Variants in AMPH observed in about 807,000 individuals in gnomAD.
AMPH encodes amphiphysin (Stiff-Mann syndrome with breast cancer 128kD autoantigen).
In AMPH, 49 loss-of-function variants were observed where a neutral mutation model predicts 99.1. The ratio of observed to expected loss-of-function variants is 0.49; its 90% CI spans 0.39 to 0.63. The LOEUF is 0.63. Ranked by LOEUF, AMPH falls within the 20% of genes least tolerant of loss-of-function variation. AMPH has a pLI of 0.00. For synonymous variants in AMPH, 314 were observed against 317.3 expected, an observed-to-expected ratio of 0.99 and a Z score of 0.11; for missense variants, 759 against 863.4, an observed-to-expected ratio of 0.88 and a Z score of 1.52.
At chr7:38,392,419 C>T (rs1280982485) in intron 18 of AMPH, among the ~76,000 whole-genome samples, 6 of 110,708 alleles carry the variant, frequency 5.4e-5, no homozygotes, top group Non-Finnish European at 8.4e-5. Context: ...CAGAGTCTTG[C>T]TCTGTCGCCC....
At chr7:38,615,201 G>A (rs1235371478) in intron 1 of AMPH, among the ~76,000 whole-genome samples, 1 of 152,086 alleles carries the variant, frequency 6.6e-6, no homozygotes, top group Non-Finnish European at 1.5e-5. Context: ...TCATCTCTGT[G>A]CTTCAGTCTG....
In AMPH at chr7:38,408,138, T is replaced by C. The variant is rs1785104790; in HGVS notation, c.1398+9687A>G. ...AGTTTGTCTAACTCTAAATTCTGTGTTTTCTCACACCATCCCATAACCAAG... is the reference window on the plus strand; with the variant it reads ...AGTTTGTCTAACTCTAAATTCTGTGCTTTCTCACACCATCCCATAACCAAG... On this transcript the variant is annotated intron_variant, in intron 17 of 20. Coordinates refer to ENST00000356264, the MANE Select transcript of AMPH (RefSeq NM_001635.4). 2.0e-5 allele frequency among the ~76,000 whole-genome samples: 3 copies of C among 152,156 alleles called. No individual in the cohort carries two copies. The South Asian group carries it at 6.2e-4, about 32-fold the overall frequency.
At chr7:38,445,825 A>G (rs4557602) in intron 11 of AMPH, among the ~76,000 whole-genome samples, 150,097 of 152,300 alleles carry the variant, frequency 0.99, 73,969 homozygotes, top group East Asian at 1. Context: ...CTGGTGGGAG[A>G]TGACTGGATC....
At chr7:38,411,563 C>T (rs1056008298) in intron 17 of AMPH, among the ~76,000 whole-genome samples, 9 of 152,162 alleles carry the variant, frequency 5.9e-5, no homozygotes, top group Admixed American at 2.6e-4. Flanking sequence ...TGAATGAGAA[C>T]TCAGCACACA....
intron 11 of AMPH, among the ~76,000 whole-genome samples, chr7:38,454,861 G>T (rs1351298611): frequency 1.3e-5 from 2 of 152,144 alleles, no homozygotes; most frequent in African/African-American, 4.8e-5. Context: ...CCAACTGAGA[G>T]AATACTATGG....
At chr7:38,445,010 T>TATATATATATATATATATATATACACAC (rs1458295332) in intron 11 of AMPH, among the ~76,000 whole-genome samples, 5 of 125,984 alleles carry the variant, frequency 4.0e-5, no homozygotes, top group East Asian at 5.5e-4. Flanking sequence ...TATATATATA[T>TATATATATATATATATATATATACACAC]ACACACACAC....
chr7:38,548,327 C>T (rs1211505381), intron 1 of AMPH, among the ~76,000 whole-genome samples: 1 of 151,604 alleles, frequency 6.6e-6, no homozygotes, highest in African/African-American at 2.4e-5. Context: ...CTGCACCCGG[C>T]CCCTTGTGGG....
chr7:38,571,278 T>TATATATA lies in AMPH; in HGVS notation c.70-36268_70-36267insTATATAT, dbSNP rs1562835213. Among the ~76,000 whole-genome samples the TATATATA allele has an allele frequency of 1.0e-4, 4 of 39,430 alleles. 1 individual carries two copies. The highest frequency in any genetic ancestry group is 5.6e-4 in the African/African-American group (4 of 7,194). The allele number at this position is 39,430 out of a possible 152,430, so 25.9% of individuals were successfully genotyped here. On this transcript the variant is annotated intron_variant, in intron 1 of 20. Coordinates refer to ENST00000356264, the MANE Select transcript of AMPH (RefSeq NM_001635.4). ...TATTAAATATATATTTATATATATA[T>TATATATA]TTTTATATATATTTATATATGAATA...
At chr7:38,629,876 A>G (rs1330155820) in intron 1 of AMPH, among the ~76,000 whole-genome samples, 1 of 152,192 alleles carries the variant, frequency 6.6e-6, no homozygotes, top group African/African-American at 2.4e-5. Context: ...AGGCAGGAGG[A>G]GGATCACTTT....
chr7:38,575,051 T>TAAAAA (rs3056279), intron 1 of AMPH, among the ~76,000 whole-genome samples: 9 of 105,290 alleles, frequency 8.5e-5, no homozygotes, highest in African/African-American at 3.1e-4. Context: ...AGACTCTGTC[T>TAAAAA]AAAAAAAAAA....
intron 2 of AMPH, among the ~76,000 whole-genome samples, chr7:38,527,628 G>C (rs946376109): frequency 6.6e-6 from 1 of 152,164 alleles, no homozygotes; most frequent in Non-Finnish European, 1.5e-5. Context: ...TTATCTGTTA[G>C]AGTAGTATTT....
rs1784282776 is a variant in AMPH, at chr7:38,383,895, G to A, written c.*923C>T. 1 of 152,616 alleles carries A rather than the reference G, an allele frequency of 6.6e-6. No individual in the cohort carries two copies. The highest frequency in any genetic ancestry group is 1.5e-5 in the Non-Finnish European group (1 of 68,048). The allele number at this position is 152,616 out of a possible 1,614,324, so 9.5% of individuals were successfully genotyped here. Reference sequence around the variant, plus strand: ...CTGTTTTTATAGTGTTCTTTTGGGGGTAGATGAATATGCCCCATCTTTCTA... The same window carrying A: ...CTGTTTTTATAGTGTTCTTTTGGGGATAGATGAATATGCCCCATCTTTCTA... On this transcript the variant is annotated 3_prime_UTR_variant, in exon 21 of 21. Coordinates refer to ENST00000356264, the MANE Select transcript of AMPH (RefSeq NM_001635.4).
At chr7:38,628,056 A>C (rs1035758570) in intron 1 of AMPH, among the ~76,000 whole-genome samples, 5 of 152,214 alleles carry the variant, frequency 3.3e-5, no homozygotes, top group African/African-American at 1.2e-4. Context: ...GTAAATAGAA[A>C]AGGAAGAAAG....
chr7:38,423,005 A>G (rs776475137), intron 15 of AMPH, among the ~76,000 whole-genome samples: 2 of 152,194 alleles, frequency 1.3e-5, no homozygotes, highest in Non-Finnish European at 2.9e-5. Flanking sequence ...TTTTAATAAT[A>G]GTTATTCTAA....
At chr7:38,401,410 T>C (rs905252806) in intron 17 of AMPH, among the ~76,000 whole-genome samples, 8 of 152,236 alleles carry the variant, frequency 5.3e-5, no homozygotes, top group African/African-American at 1.4e-4. Context: ...CTTTATCACG[T>C]CTTCCCACCT....
intron 11 of AMPH, among the ~76,000 whole-genome samples, chr7:38,443,850 T>C (rs1786650918): frequency 6.6e-6 from 1 of 151,114 alleles, no homozygotes; most frequent in African/African-American, 2.4e-5. Context: ...TGAAATAAGG[T>C]AGGAAAAATA....
chr7:38,427,222 G>C (rs1046027053), intron 14 of AMPH, among the ~76,000 whole-genome samples: 14 of 151,352 alleles, frequency 9.2e-5, no homozygotes, highest in Admixed American at 6.6e-5. Flanking sequence ...CTGCATTATT[G>C]CTTGGTGCCA....
chr7:38,501,456 A>C (rs1195554585), intron 3 of AMPH, among the ~76,000 whole-genome samples: 1 of 152,158 alleles, frequency 6.6e-6, no homozygotes, highest in African/African-American at 2.4e-5. Flanking sequence ...AAGTGCTCGG[A>C]TTAAAGGTGG....
intron 9 of AMPH, chr7:38,463,944 C>G (rs570081907): frequency 1.6e-6 from 1 of 640,420 alleles, no homozygotes; most frequent in African/African-American, 1.9e-5. Flanking sequence ...GCATGGTCTA[C>G]ATATTCAAAG....
Sources: allele counts gnomAD v4.1 joint callset (sites outside exome capture counted in the v4.1 genomes callset), GRCh38; gene constraint gnomAD v4.1.1; transcripts MANE v1.5; gene names NCBI Gene and HGNC (gene_info 2026-07-23, HGNC 2026-07-21).